RIMS2: variants seen among roughly 807,000 people sequenced by gnomAD.
RIMS2 encodes the protein regulating synaptic membrane exocytosis protein 2.
A neutral mutation model predicts 174.4 loss-of-function variants in RIMS2; 59 were observed. The ratio of observed to expected loss-of-function variants is 0.34; its 90% CI spans 0.27 to 0.42. The LOEUF (loss-of-function observed/expected upper bound fraction) is 0.42, where lower values mean the gene tolerates loss of function less well. Ranked by LOEUF, RIMS2 falls within the 10% of genes least tolerant of loss-of-function variation. The pLI, the probability that RIMS2 is intolerant of heterozygous loss-of-function variation, is 1.00. For missense variants in RIMS2, 1,620 were observed against 1,666.3 expected, an observed-to-expected ratio of 0.97 and a Z score of 0.48; for synonymous variants, 606 against 572.5, an observed-to-expected ratio of 1.06 and a Z score of -0.84.
At chr8:104,007,977 A>G (rs1251782541) in intron 17 of RIMS2, among the ~76,000 whole-genome samples, 1 of 152,170 alleles carries the variant, frequency 6.6e-6, no homozygotes, top group Non-Finnish European at 1.5e-5. Context: ...AAAAACAGCA[A>G]AACAAAAGGA....
intron 1 of RIMS2, among the ~76,000 whole-genome samples, chr8:103,578,542 AAAAAC>A (rs918391191): frequency 4.6e-5 from 7 of 151,942 alleles, no homozygotes; most frequent in Non-Finnish European, 7.4e-5. Context: ...ACAAAAAACA[AAAAAC>A]AAAACAAAAC....
At chr8:103,658,672 C>T (rs1294268262) in intron 1 of RIMS2, among the ~76,000 whole-genome samples, 1 of 152,108 alleles carries the variant, frequency 6.6e-6, no homozygotes, top group African/African-American at 2.4e-5. Context: ...CAAGGGTCAA[C>T]GTTTTGGAGC....
chr8:103,899,740 A>T (rs2099316618), intron 4 of RIMS2, among the ~76,000 whole-genome samples: 1 of 151,564 alleles, frequency 6.6e-6, no homozygotes, highest in African/African-American at 2.4e-5. Context: ...CCTATTTGTC[A>T]ATTTTGGCTT....
chr8:103,527,970 T>A (rs2130784164), intron 1 of RIMS2, among the ~76,000 whole-genome samples: 1 of 152,310 alleles, frequency 6.6e-6, no homozygotes, highest in Middle Eastern at 3.4e-3. Context: ...CACCACACTG[T>A]CTTCCACAAT....
chr8:103,618,282 A>G (rs2095552713), intron 1 of RIMS2, among the ~76,000 whole-genome samples: 1 of 152,152 alleles, frequency 6.6e-6, no homozygotes, highest in African/African-American at 2.4e-5. Context: ...TAACTTAATG[A>G]ACACAAAGAA....
intron 19 of RIMS2, among the ~76,000 whole-genome samples, chr8:104,034,821 G>A (rs1354800599): frequency 6.6e-6 from 1 of 151,980 alleles, no homozygotes; most frequent in Non-Finnish European, 1.5e-5. Context: ...AAAGATCACT[G>A]GGAAATGTAA....
In RIMS2 at chr8:104,093,475, G is replaced by A. The variant is rs375929179; in HGVS notation, c.3334+78860G>A. 78 of 1,593,600 alleles carry A rather than the reference G, an allele frequency of 4.9e-5. No individual in the cohort carries two copies. In the African/African-American group the frequency reaches 5.1e-4, roughly 10 times the overall value. On this transcript the variant is annotated intron_variant, in intron 19 of 23. Coordinates refer to ENST00000504942, the Ensembl canonical transcript of RIMS2. ...TTTGTCAATCTGTGTTAACAGTATC[G>A]ATCAGGATGGGATCCTCATAGAGGG... is the stretch of plus-strand genomic sequence containing the variant.
chr8:103,516,029 CAT>C (rs1168191158), intron 1 of RIMS2, among the ~76,000 whole-genome samples: 1 of 152,072 alleles, frequency 6.6e-6, no homozygotes, highest in Non-Finnish European at 1.5e-5. Context: ...GAAAGTGACA[CAT>C]GTTCTTTGTC....
chr8:104,182,291 A>C (rs1420774467), intron 19 of RIMS2, among the ~76,000 whole-genome samples: 1 of 151,860 alleles, frequency 6.6e-6, no homozygotes. Flanking sequence ...ATAATCTGTC[A>C]CGGAAATATA....
chr8:103,584,728 A>C (rs190746926), intron 1 of RIMS2, among the ~76,000 whole-genome samples: 7 of 152,326 alleles, frequency 4.6e-5, no homozygotes, highest in Non-Finnish European at 7.4e-5. Flanking sequence ...AAACACATAC[A>C]ATGCATACAC....
intron 19 of RIMS2, among the ~76,000 whole-genome samples, chr8:104,182,779 T>C (rs998159749): frequency 1.3e-5 from 2 of 151,716 alleles, no homozygotes; most frequent in African/African-American, 2.4e-5. Flanking sequence ...ACTCTATCGG[T>C]TTTATAGGTG....
intron 19 of RIMS2, among the ~76,000 whole-genome samples, chr8:104,132,521 C>T (rs894795251): frequency 6.6e-6 from 1 of 152,150 alleles, no homozygotes; most frequent in Non-Finnish European, 1.5e-5. Context: ...GAATTTCCAA[C>T]CTTTTTTCTG....
chr8:104,214,744 A>C (rs2099122234), intron 19 of RIMS2, among the ~76,000 whole-genome samples: 1 of 152,110 alleles, frequency 6.6e-6, no homozygotes, highest in East Asian at 1.9e-4. Flanking sequence ...CAGGCCCGAG[A>C]GACATCTTTA....
intron 19 of RIMS2, among the ~76,000 whole-genome samples, chr8:104,037,090 A>G (rs2096533285): frequency 6.6e-6 from 1 of 152,070 alleles, no homozygotes; most frequent in African/African-American, 2.4e-5. Context: ...GGATTGAGAA[A>G]TTTTTCAAAA....
chr8:103,975,273 T>G (rs1327325460), intron 15 of RIMS2, 77 bp from the exon 18 acceptor site: 11 of 894,230 alleles, frequency 1.2e-5, no homozygotes, highest in Non-Finnish European at 1.8e-5. Context: ...CAACATTTTG[T>G]TTTTGAGTAA....
rs1334177765 is a variant in RIMS2, at chr8:103,562,210, C to T, written c.176+61148C>T. Among the ~76,000 whole-genome samples the T allele has an allele frequency of 2.0e-5, 3 of 152,210 alleles. No individual in the cohort carries two copies. The South Asian group carries it at 6.2e-4, about 31-fold the overall frequency. ...AGTCTCCCAAAGTCTTAACTCATTT[C>T]AGCATTAACTCAAAAGTCCACAATC... On this transcript the variant is annotated intron_variant, in intron 1 of 23. Transcript: ENST00000504942.
At chr8:103,520,898 A>G (rs1831336931) in intron 1 of RIMS2, among the ~76,000 whole-genome samples, 1 of 152,022 alleles carries the variant, frequency 6.6e-6, no homozygotes, top group African/African-American at 2.4e-5. Flanking sequence ...TTTTTATCTC[A>G]ATTTTCATTA....
chr8:103,910,473 G>A (rs2075451250), intron 5 of RIMS2: 1 of 1,597,656 alleles, frequency 6.3e-7, no homozygotes, highest in Non-Finnish European at 8.5e-7. Context: ...TAAGGACTCT[G>A]GGGTAGATAC....
chr8:103,955,960 GACAA>G lies in RIMS2; in HGVS notation c.2702-5101_2702-5098del, dbSNP rs552416672. 7.0e-3 allele frequency among the ~76,000 whole-genome samples: 1,063 copies of G among 152,216 alleles called. 3 individuals carry two copies. Among genetic ancestry groups the G allele is most frequent in the Non-Finnish European group, 0.012 (799 of 68,016 alleles). On this transcript the variant is annotated intron_variant, in intron 14 of 23. Transcript: ENST00000504942. ...CAAGCATTCCTATACACTAATAACAGACAAACATAGAGCCAAATGATGAGTGAAA... is the reference window on the plus strand; with the variant it reads ...CAAGCATTCCTATACACTAATAACAGACATAGAGCCAAATGATGAGTGAAA...
Sources: allele counts gnomAD v4.1 joint callset (sites outside exome capture counted in the v4.1 genomes callset), GRCh38; gene constraint gnomAD v4.1.1; transcripts MANE v1.5; gene names NCBI Gene and HGNC (gene_info 2026-07-23, HGNC 2026-07-21).